The following CPED1 variants were observed in gnomAD, a reference collection of about 807,000 sequenced individuals.
CPED1 encodes cadherin-like and PC-esterase domain-containing protein 1.
CPED1 carries 114 observed loss-of-function variants against 128.2 expected under a neutral mutation model. That is an observed-to-expected ratio of 0.89 (90% CI 0.76 to 1.04). The LOEUF (loss-of-function observed/expected upper bound fraction) is 1.04. Ranked by LOEUF, CPED1 falls within the 50% of genes least tolerant of loss-of-function variation. The pLI is 0.00. For missense variants in CPED1, 1,211 were observed against 1,207.1 expected (o/e 1.00, Z -0.05); for synonymous variants, 462 against 426.7 (o/e 1.08, Z -1.02).
At chr7:121,133,703 T>A in intron 12 of CPED1, 120 bp from the exon 13 acceptor site, 2 of 636,686 alleles carry the variant, frequency 3.1e-6, no homozygotes, top group Non-Finnish European at 5.4e-6. Flanking sequence ...GCAGAAAGCG[T>A]TTTTTTGTGT....
intron 22 of CPED1, among the ~76,000 whole-genome samples, chr7:121,293,126 C>T (rs1019379531): frequency 1.3e-5 from 2 of 152,166 alleles, no homozygotes; most frequent in African/African-American, 4.8e-5. Flanking sequence ...CCACAGCTGC[C>T]CCTTCCCCCA....
chr7:121,122,437 G>A (rs188586275), intron 7 of CPED1, among the ~76,000 whole-genome samples: 11 of 152,158 alleles, frequency 7.2e-5, no homozygotes, highest in African/African-American at 2.4e-4. Flanking sequence ...CACCATGCCC[G>A]GCTGTCTTGT....
chr7:121,123,785 T>A (rs1308372458), intron 7 of CPED1, among the ~76,000 whole-genome samples: 1 of 152,188 alleles, frequency 6.6e-6, no homozygotes, highest in Non-Finnish European at 1.5e-5. Flanking sequence ...TGGCTAGATC[T>A]GGCACAGAAT....
intron 13 of CPED1, among the ~76,000 whole-genome samples, chr7:121,135,082 T>G (rs551328166): frequency 2.0e-5 from 3 of 152,190 alleles, no homozygotes; most frequent in East Asian, 3.9e-4. Context: ...CTTTATGATC[T>G]ATTGTTAAAC....
intron 19 of CPED1, 56 bp downstream of exon 19, chr7:121,266,503 A>C: frequency 2.1e-6 from 3 of 1,431,834 alleles, no homozygotes; most frequent in Non-Finnish European, 3.0e-6. Context: ...ATGTTCTGCT[A>C]GCAGTCGTCA....
At chr7:121,194,293 C>T (rs1045623796) in intron 16 of CPED1, among the ~76,000 whole-genome samples, 1 of 151,776 alleles carries the variant, frequency 6.6e-6, no homozygotes, top group Non-Finnish European at 1.5e-5. Context: ...TCAGGTGATC[C>T]ACCTGCCTTG....
At chr7:121,139,944 T>A (rs1273744499) in intron 14 of CPED1, among the ~76,000 whole-genome samples, 2 of 152,074 alleles carry the variant, frequency 1.3e-5, no homozygotes, top group African/African-American at 4.8e-5. Flanking sequence ...TTGTTAGCAT[T>A]TTGTTGACAA....
chr7:121,164,731 A>G (rs924425533), intron 16 of CPED1, among the ~76,000 whole-genome samples: 16 of 152,050 alleles, frequency 1.1e-4, no homozygotes, highest in Admixed American at 1.0e-3. Flanking sequence ...TTTTCAATAC[A>G]TTTCTTCCAT....
At chr7:121,260,964 C>T (rs182132289) in intron 18 of CPED1, among the ~76,000 whole-genome samples, 192 of 151,958 alleles carry the variant, frequency 1.3e-3, no homozygotes, top group African/African-American at 4.5e-3. Flanking sequence ...CTCTTCCTGC[C>T]GCAACAGATC....
intron 6 of CPED1, 34 bp downstream of exon 6, chr7:121,097,865 A>G: frequency 6.2e-7 from 1 of 1,611,050 alleles, no homozygotes; most frequent in Non-Finnish European, 8.5e-7. Flanking sequence ...TATAACCAGC[A>G]TGCATTGTAG....
chr7:121,210,686 TG>T (rs1046169103), intron 16 of CPED1, among the ~76,000 whole-genome samples: 8 of 151,616 alleles, frequency 5.3e-5, no homozygotes, highest in African/African-American at 1.9e-4. Flanking sequence ...GAGTGGGAAA[TG>T]GGGATGGTTG....
chr7:121,037,852 G>A lies in CPED1; in HGVS notation c.434-9035G>A, dbSNP rs187404009. ...AGTTTTCCTTGTAGAGGTCCTTCAC[G>A]TCCTTGATTAGGTATATCCCTGAGT... On this transcript the variant is annotated intron_variant, in intron 3 of 22. Transcript: ENST00000310396. 3.6e-3 allele frequency among the ~76,000 whole-genome samples: 544 copies of A among 152,046 alleles called. 1 individual carries two copies. Among genetic ancestry groups the A allele is most frequent in the African/African-American group, 9.5e-3 (394 of 41,502 alleles).
At chr7:121,019,171 C>T (rs1792376498) in intron 3 of CPED1, among the ~76,000 whole-genome samples, 1 of 152,010 alleles carries the variant, frequency 6.6e-6, no homozygotes, top group African/African-American at 2.4e-5. Flanking sequence ...GGTGTTATGT[C>T]ACCCCACCCA....
chr7:121,063,046 C>T (rs1585047510), intron 4 of CPED1: 1 of 152,248 alleles, frequency 6.6e-6, no homozygotes, highest in South Asian at 2.1e-4. Flanking sequence ...ACTTTGGTGT[C>T]CTTGTGGACT....
chr7:121,249,712 G>C (rs1445194791), intron 18 of CPED1, among the ~76,000 whole-genome samples: 2 of 151,820 alleles, frequency 1.3e-5, no homozygotes, highest in Non-Finnish European at 2.9e-5. Context: ...ATCAGCACCT[G>C]CTACCACAAG....
chr7:121,210,748 C>T (rs774323573), intron 16 of CPED1, among the ~76,000 whole-genome samples: 7 of 151,250 alleles, frequency 4.6e-5, no homozygotes, highest in Non-Finnish European at 8.8e-5. Flanking sequence ...TTTGATAGCA[C>T]GAGAGTGACT....
At chr7:121,208,700 C>G (rs1379395495) in intron 16 of CPED1, among the ~76,000 whole-genome samples, 3 of 151,980 alleles carry the variant, frequency 2.0e-5, no homozygotes, top group African/African-American at 7.2e-5. Context: ...CATCGTGCCA[C>G]CCTTGTCACA....
intron 18 of CPED1, among the ~76,000 whole-genome samples, chr7:121,264,871 A>C (rs1376510388): frequency 6.6e-6 from 1 of 152,088 alleles, no homozygotes; most frequent in Non-Finnish European, 1.5e-5. Flanking sequence ...GCATGGTACT[A>C]TAGGGGAAAA....
chr7:121,242,173 C>A (rs569194124), intron 17 of CPED1, among the ~76,000 whole-genome samples: 3 of 152,180 alleles, frequency 2.0e-5, no homozygotes, highest in Non-Finnish European at 4.4e-5. Flanking sequence ...CTTGTTTTTA[C>A]GCTATAGTTA....
Sources: gnomAD v4.1 joint callset for allele counts (sites outside exome capture counted in the v4.1 genomes callset) on GRCh38, gnomAD v4.1.1 for gene constraint, MANE v1.5 for transcripts, NCBI Gene and HGNC (gene_info 2026-07-23, HGNC 2026-07-21) for gene names.